NXPH1: variants seen among roughly 807,000 people sequenced by gnomAD.
NXPH1 encodes neurexophilin 1.
In NXPH1, 5 loss-of-function variants were observed where a neutral mutation model predicts 23.7. The ratio of observed to expected loss-of-function variants is 0.21; its 90% CI spans 0.11 to 0.44. The LOEUF (loss-of-function observed/expected upper bound fraction) is 0.44, where lower values mean the gene tolerates loss of function less well. NXPH1 is among the 20% of genes least tolerant of loss of function. The pLI is 0.99. For missense variants in NXPH1, 324 were observed against 321.6 expected (o/e 1.01, Z -0.06); for synonymous variants, 144 against 122.2 (o/e 1.18, Z -1.18).
intron 2 of NXPH1, among the ~76,000 whole-genome samples, chr7:8,682,689 C>G (rs1026144190): frequency 6.6e-6 from 1 of 152,158 alleles, no homozygotes; most frequent in Non-Finnish European, 1.5e-5. Flanking sequence ...ACCAACTAGA[C>G]TTTGGGCATG....
chr7:8,678,928 ATTTTT>A (rs540056222), intron 2 of NXPH1, among the ~76,000 whole-genome samples: 240 of 68,574 alleles, frequency 3.5e-3, no homozygotes, highest in Non-Finnish European at 4.0e-3. Flanking sequence ...GCTTTATCCA[ATTTTT>A]TTTTTTTTTT....
intron 2 of NXPH1, among the ~76,000 whole-genome samples, chr7:8,536,448 C>T (rs1818027472): frequency 1.3e-5 from 2 of 151,988 alleles, no homozygotes; most frequent in Non-Finnish European, 2.9e-5. Flanking sequence ...ATGTAACAAA[C>T]TCTGGTAACT....
chr7:8,458,809 T>G (rs769886485), intron 2 of NXPH1, among the ~76,000 whole-genome samples: 4 of 152,008 alleles, frequency 2.6e-5, no homozygotes, highest in Non-Finnish European at 2.9e-5. Flanking sequence ...CTTCATAGAG[T>G]AGGAATTATG....
At chr7:8,511,109 G>T (rs1199810321) in intron 2 of NXPH1, among the ~76,000 whole-genome samples, 1 of 152,012 alleles carries the variant, frequency 6.6e-6, no homozygotes. Context: ...AAAAGAATAG[G>T]ACTTGAATTA....
intron 2 of NXPH1, among the ~76,000 whole-genome samples, chr7:8,446,572 G>C (rs780721492): frequency 6.6e-6 from 1 of 152,176 alleles, no homozygotes; most frequent in Non-Finnish European, 1.5e-5. Flanking sequence ...TAATAAAAAT[G>C]AGGCTTTTTG....
At chr7:8,478,068 C>T (rs1480917406) in intron 2 of NXPH1, among the ~76,000 whole-genome samples, 1 of 152,058 alleles carries the variant, frequency 6.6e-6, no homozygotes, top group Non-Finnish European at 1.5e-5. Context: ...AAGATGAATG[C>T]ATGATGACAA....
chr7:8,521,033 A>G (rs1290265869), intron 2 of NXPH1, among the ~76,000 whole-genome samples: 2 of 152,200 alleles, frequency 1.3e-5, no homozygotes, highest in East Asian at 1.9e-4. Flanking sequence ...TGGAAGAGAC[A>G]TAACTTGATC....
chr7:8,480,989 A>G (rs543938110), intron 2 of NXPH1, among the ~76,000 whole-genome samples: 11 of 152,312 alleles, frequency 7.2e-5, no homozygotes, highest in African/African-American at 2.6e-4. Context: ...TAGGCGTGAG[A>G]GGCTCAAACA....
intron 2 of NXPH1, among the ~76,000 whole-genome samples, chr7:8,608,566 C>T (rs1009636584): frequency 2.0e-5 from 3 of 151,902 alleles, no homozygotes; most frequent in African/African-American, 7.3e-5. Flanking sequence ...AGAAGAGAGA[C>T]AAGTAAAATA....
chr7:8,465,579 A>G (rs564745379), intron 2 of NXPH1, among the ~76,000 whole-genome samples: 2 of 152,302 alleles, frequency 1.3e-5, no homozygotes, highest in South Asian at 4.2e-4. Flanking sequence ...AGATACCAGG[A>G]AAGTATTGCA....
chr7:8,673,386 T>C (rs1327684548), intron 2 of NXPH1, among the ~76,000 whole-genome samples: 1 of 152,164 alleles, frequency 6.6e-6, no homozygotes, highest in East Asian at 1.9e-4. Context: ...TCTGGTAATT[T>C]TCCCAAATTA....
chr7:8,464,582 C>T (rs1013320730), intron 2 of NXPH1, among the ~76,000 whole-genome samples: 1 of 152,134 alleles, frequency 6.6e-6, no homozygotes, highest in East Asian at 1.9e-4. Context: ...ATATCACTTG[C>T]CTGTAGGAGT....
intron 2 of NXPH1, among the ~76,000 whole-genome samples, chr7:8,651,367 A>C (rs1393365630): frequency 2.0e-5 from 2 of 100,328 alleles, no homozygotes; most frequent in East Asian, 4.7e-4. Flanking sequence ...AATCCAGTCT[A>C]TCATTGTTGG....
At chr7:8,592,387 A>G (rs749942607) in intron 2 of NXPH1, among the ~76,000 whole-genome samples, 2 of 152,036 alleles carry the variant, frequency 1.3e-5, no homozygotes, top group Admixed American at 1.3e-4. Flanking sequence ...TCATGGTTAT[A>G]GTTTAAACCG....
At chr7:8,717,453 A>G (rs1019130291) in intron 2 of NXPH1, among the ~76,000 whole-genome samples, 3 of 152,126 alleles carry the variant, frequency 2.0e-5, no homozygotes, top group Non-Finnish European at 4.4e-5. Flanking sequence ...CGGCTGAAAG[A>G]GATAATGTGT....
At chr7:8,561,291 TTAGG>T (rs1175638643) in intron 2 of NXPH1, among the ~76,000 whole-genome samples, 1 of 150,716 alleles carries the variant, frequency 6.6e-6, no homozygotes, top group Non-Finnish European at 1.5e-5. Context: ...CAAATTGCCC[TTAGG>T]TAGGGTCTCC....
At chr7:8,693,125 C>G (rs951557043) in intron 2 of NXPH1, among the ~76,000 whole-genome samples, 1 of 152,120 alleles carries the variant, frequency 6.6e-6, no homozygotes, top group African/African-American at 2.4e-5. Context: ...AAGGGAGAGT[C>G]TCATTCTCCA....
At chr7:8,502,803 G>T (rs1563329373) in intron 2 of NXPH1, among the ~76,000 whole-genome samples, 4 of 151,666 alleles carry the variant, frequency 2.6e-5, no homozygotes, top group Admixed American at 1.3e-4. Context: ...GTTACTGCAA[G>T]CCCATCTTCT....
At chr7:8,542,180 G>T (rs975115969) in intron 2 of NXPH1, among the ~76,000 whole-genome samples, 1 of 151,298 alleles carries the variant, frequency 6.6e-6, no homozygotes, top group South Asian at 2.1e-4. Context: ...ACAAAGCTGG[G>T]TTGGCTATAT....
Sources: allele counts gnomAD v4.1 joint callset (sites outside exome capture counted in the v4.1 genomes callset), GRCh38; gene constraint gnomAD v4.1.1; transcripts MANE v1.5; gene names NCBI Gene and HGNC (gene_info 2026-07-23, HGNC 2026-07-21).